ZNF385B: variants seen among roughly 807,000 people sequenced by gnomAD.
ZNF385B encodes zinc finger protein 533.
In ZNF385B, 23 loss-of-function variants were observed where a neutral mutation model predicts 39.2. The ratio of observed to expected loss-of-function variants is 0.59; its 90% CI spans 0.42 to 0.83. The LOEUF (loss-of-function observed/expected upper bound fraction) is 0.83, where lower values mean the gene tolerates loss of function less well. ZNF385B is among the 40% of genes least tolerant of loss of function. ZNF385B has a pLI of 0.00. For missense variants in ZNF385B, 552 were observed against 598.9 expected (o/e 0.92, Z 0.82); for synonymous variants, 205 against 222.6 (o/e 0.92, Z 0.70).
At chr2:179,501,247 C>T (rs1048470379) in intron 5 of ZNF385B, among the ~76,000 whole-genome samples, 12 of 152,080 alleles carry the variant, frequency 7.9e-5, no homozygotes, top group Non-Finnish European at 1.6e-4. Context: ...GGTATATACC[C>T]AAAAGGAAGG....
intron 3 of ZNF385B, among the ~76,000 whole-genome samples, chr2:179,661,327 T>C (rs1169240815): frequency 1.3e-5 from 2 of 152,308 alleles, no homozygotes; most frequent in East Asian, 3.9e-4. Context: ...TCTTGCATAT[T>C]CAATAGATAC....
chr2:179,613,908 T>C (rs942404299), intron 3 of ZNF385B, among the ~76,000 whole-genome samples: 1 of 152,162 alleles, frequency 6.6e-6, no homozygotes, highest in Non-Finnish European at 1.5e-5. Context: ...AGATGTATGA[T>C]TGCCCTCTGG....
chr2:179,673,770 A>C (rs1387589897), intron 3 of ZNF385B, among the ~76,000 whole-genome samples: 1 of 152,078 alleles, frequency 6.6e-6, no homozygotes. Context: ...TTTAATCTAA[A>C]GACAATACTC....
At chr2:179,806,583 C>T (rs1451227838) in intron 1 of ZNF385B, among the ~76,000 whole-genome samples, 1 of 152,202 alleles carries the variant, frequency 6.6e-6, no homozygotes, top group African/African-American at 2.4e-5. Flanking sequence ...CCACTTATCA[C>T]ATCTTGGTAA....
chr2:179,522,377 A>C (rs2058564336), intron 4 of ZNF385B, among the ~76,000 whole-genome samples: 2 of 152,240 alleles, frequency 1.3e-5, no homozygotes, highest in Admixed American at 1.3e-4. Flanking sequence ...CTCTGTAGTC[A>C]TAATGAGATG....
At chr2:179,703,406 C>A (rs1280330442) in intron 3 of ZNF385B, among the ~76,000 whole-genome samples, 1 of 151,538 alleles carries the variant, frequency 6.6e-6, no homozygotes, top group Non-Finnish European at 1.5e-5. Context: ...TCAAAACCCT[C>A]TTCCTTAATT....
At chr2:179,807,675 C>A (rs2106562161) in intron 1 of ZNF385B, among the ~76,000 whole-genome samples, 1 of 151,980 alleles carries the variant, frequency 6.6e-6, no homozygotes, top group Non-Finnish European at 1.5e-5. Context: ...GTGGGCGGAT[C>A]ATAAGGTCAG....
chr2:179,764,692 C>G (rs572324013), intron 3 of ZNF385B, among the ~76,000 whole-genome samples: 1 of 152,160 alleles, frequency 6.6e-6, no homozygotes, highest in South Asian at 2.1e-4. Flanking sequence ...CAGCATTTAA[C>G]TTTCCTACTT....
chr2:179,766,386 G>A (rs1239668453), intron 3 of ZNF385B, among the ~76,000 whole-genome samples: 2 of 152,108 alleles, frequency 1.3e-5, no homozygotes, highest in Non-Finnish European at 2.9e-5. Context: ...CCCTGTGTTT[G>A]TTCTCTGGGG....
intron 3 of ZNF385B, among the ~76,000 whole-genome samples, chr2:179,631,952 A>G (rs568465500): frequency 4.8e-4 from 73 of 152,320 alleles, no homozygotes; most frequent in Non-Finnish European, 9.1e-4. Context: ...AAAGAAGGCC[A>G]ACACATAATG....
chr2:179,697,205 T>C (rs1391436233), intron 3 of ZNF385B, among the ~76,000 whole-genome samples: 1 of 152,210 alleles, frequency 6.6e-6, no homozygotes, highest in Non-Finnish European at 1.5e-5. Flanking sequence ...GTCCACTACC[T>C]ATGTCCATCT....
At chr2:179,814,412 T>C (rs1706929951) in intron 1 of ZNF385B, 1 of 427,224 alleles carries the variant, frequency 2.3e-6, no homozygotes, top group African/African-American at 2.1e-5. Flanking sequence ...AGGTTAAAGA[T>C]TTTGCAGTTA....
chr2:179,604,351 C>T (rs1300679421), intron 3 of ZNF385B, among the ~76,000 whole-genome samples: 3 of 151,540 alleles, frequency 2.0e-5, no homozygotes, highest in Admixed American at 6.6e-5. Flanking sequence ...ATTCCTAAGA[C>T]GGGGCTAATG....
At chr2:179,691,416 C>T (rs56219333) in intron 3 of ZNF385B, among the ~76,000 whole-genome samples, 288 of 152,270 alleles carry the variant, frequency 1.9e-3, no homozygotes, top group African/African-American at 6.5e-3. Context: ...TTATGTTAAG[C>T]ATCCTGCATG....
At chr2:179,572,890 A>C (rs1685393048) in intron 3 of ZNF385B, among the ~76,000 whole-genome samples, 1 of 152,204 alleles carries the variant, frequency 6.6e-6, no homozygotes, top group Non-Finnish European at 1.5e-5. Flanking sequence ...AGCCATGAAT[A>C]AAGGGAATTC....
intron 3 of ZNF385B, among the ~76,000 whole-genome samples, chr2:179,565,239 G>A (rs374225885): frequency 3.9e-5 from 6 of 151,972 alleles, no homozygotes; most frequent in South Asian, 2.1e-4. Context: ...ATCTCTACTC[G>A]GCTACTTACC....
intron 1 of ZNF385B, among the ~76,000 whole-genome samples, chr2:179,800,550 G>T (rs1429622154): frequency 6.6e-6 from 1 of 152,024 alleles, no homozygotes; most frequent in Non-Finnish European, 1.5e-5. Context: ...ATTGTATATA[G>T]AATTTTTAGT....
intron 4 of ZNF385B, among the ~76,000 whole-genome samples, chr2:179,540,492 A>G (rs1203831969): frequency 6.9e-6 from 1 of 145,954 alleles, no homozygotes; most frequent in Non-Finnish European, 1.5e-5. Flanking sequence ...AACAACAACA[A>G]CAACAAAAAA....
At chr2:179,719,106 C>T (rs1559127124) in intron 3 of ZNF385B, among the ~76,000 whole-genome samples, 1 of 152,082 alleles carries the variant, frequency 6.6e-6, no homozygotes, top group Non-Finnish European at 1.5e-5. Context: ...TTTCAGTCTC[C>T]TAAGTTTCTA....
Sources: gnomAD v4.1 joint callset for allele counts (sites outside exome capture counted in the v4.1 genomes callset) on GRCh38, gnomAD v4.1.1 for gene constraint, MANE v1.5 for transcripts, NCBI Gene and HGNC (gene_info 2026-07-23, HGNC 2026-07-21) for gene names.